The following ZNF148 variants were observed in gnomAD, a reference collection of about 807,000 sequenced individuals.
ZNF148 encodes zinc finger protein 148, also known as Beta-Enolase Repressor Factor-1.
In ZNF148, 7 loss-of-function variants were observed where a neutral mutation model predicts 67.7. That is an observed-to-expected ratio of 0.10 (90% CI 0.06 to 0.19). ZNF148 has a LOEUF of 0.19. Ranked by LOEUF, ZNF148 falls within the 10% of genes least tolerant of loss-of-function variation. The probability of loss-of-function intolerance (pLI) is 1.00; values close to 1 mark genes in which losing one functional copy is unlikely to be tolerated. For missense variants in ZNF148, 583 were observed against 947.1 expected (o/e 0.62, Z 5.05); for synonymous variants, 333 against 330.7 (o/e 1.01, Z -0.08).
chr3:125,237,418 T>C (rs1936142146), intron 7 of ZNF148, among the ~76,000 whole-genome samples: 1 of 151,998 alleles, frequency 6.6e-6, no homozygotes, highest in Non-Finnish European at 1.5e-5. Context: ...CTGTTTCTAC[T>C]AAAAATACAA....
chr3:125,268,799 G>A lies in ZNF148; in HGVS notation c.667+8927C>T, dbSNP rs373818009. ...GTTCAAGACCAGCCTAGGCAACATG[G>A]CAAGACCTGATCTCTACAAAAAAAA... On this transcript the variant is annotated intron_variant, in intron 7 of 8. Transcript: ENST00000360647. Among the ~76,000 whole-genome samples the A allele has an allele frequency of 5.3e-4, 81 of 152,104 alleles. 1 individual carries two copies. In the East Asian group the frequency reaches 0.01, roughly 19 times the overall value.
At chr3:125,334,273 CAT>C (rs1456250867) in intron 1 of ZNF148, among the ~76,000 whole-genome samples, 16 of 152,252 alleles carry the variant, frequency 1.1e-4, no homozygotes, top group Admixed American at 6.5e-4. Flanking sequence ...TTTTTTATCA[CAT>C]GATATATTTT....
chr3:125,341,315 T>TA (rs752776608), intron 1 of ZNF148, among the ~76,000 whole-genome samples: 2 of 140,612 alleles, frequency 1.4e-5, no homozygotes, highest in Non-Finnish European at 3.1e-5. Context: ...ACAGAAAAAT[T>TA]TAAAAAAAAA....
At chr3:125,302,687 C>T (rs1436911793) in intron 4 of ZNF148, among the ~76,000 whole-genome samples, 35 of 152,126 alleles carry the variant, frequency 2.3e-4, no homozygotes, top group Admixed American at 2.3e-3. Context: ...CAAGCAGACA[C>T]TGAAGTTGTT....
At chr3:125,242,572 A>C (rs1413497880) in intron 7 of ZNF148, among the ~76,000 whole-genome samples, 2 of 152,212 alleles carry the variant, frequency 1.3e-5, no homozygotes, top group Admixed American at 6.5e-5. Context: ...CAGAGGTTAC[A>C]GTGAGCCGAG....
rs182713196 is a variant in ZNF148 at position 125,290,606 on chromosome 3, C to G, written c.334-2378G>C. ...TGTCATTCATTTTCTCATTCAACAG[C>G]TATTAAGTGCCTGCTCTGTCAGGCT... On this transcript the variant is annotated intron_variant, in intron 4 of 8. Transcript: ENST00000360647. Among the ~76,000 whole-genome samples the G allele has an allele frequency of 9.9e-5, 15 of 152,226 alleles. No homozygotes were observed. The East Asian group carries it at 2.5e-3, about 25-fold the overall frequency.
At chr3:125,294,681 T>C (rs1274493529) in intron 4 of ZNF148, among the ~76,000 whole-genome samples, 1 of 152,192 alleles carries the variant, frequency 6.6e-6, no homozygotes. Context: ...ACATGGTCTC[T>C]AGCCTGTATA....
In ZNF148 at chr3:125,322,860, T is replaced by C. The variant is rs368693380; in HGVS notation, c.-17+449A>G. On this transcript the variant is annotated intron_variant, in intron 3 of 8. Coordinates refer to ENST00000360647, the MANE Select transcript of ZNF148 (RefSeq NM_021964.3). ...AGTGCAGGCATACATACAACATGTA[T>C]AGATGTATAAAAACTGATATGTTTT... is the stretch of plus-strand genomic sequence containing the variant. Among the ~76,000 whole-genome samples, 6 of 152,322 alleles carry C rather than the reference T, an allele frequency of 3.9e-5. No individual in the cohort carries two copies. The East Asian group carries it at 7.7e-4, about 20-fold the overall frequency.
chr3:125,345,176 T>G (rs1281292131), intron 1 of ZNF148, among the ~76,000 whole-genome samples: 4 of 152,058 alleles, frequency 2.6e-5, no homozygotes. Context: ...TCAAAAAACT[T>G]AAAAGAACTG....
At chr3:125,314,173 TA>T (rs1170523087) in intron 3 of ZNF148, among the ~76,000 whole-genome samples, 2 of 152,024 alleles carry the variant, frequency 1.3e-5, no homozygotes, top group Non-Finnish European at 2.9e-5. Flanking sequence ...TCTTAAAAAA[TA>T]CATCCAATGT....
At chr3:125,250,062 A>T (rs889055336) in intron 7 of ZNF148, among the ~76,000 whole-genome samples, 1 of 152,220 alleles carries the variant, frequency 6.6e-6, no homozygotes, top group African/African-American at 2.4e-5. Context: ...ACAAACTTTC[A>T]GTTGTAAGAT....
chr3:125,239,251 G>A (rs922498555), intron 7 of ZNF148, among the ~76,000 whole-genome samples: 5 of 152,048 alleles, frequency 3.3e-5, no homozygotes, highest in Non-Finnish European at 7.4e-5. Context: ...ACTCCAGAAT[G>A]GAATAAAAAA....
intron 1 of ZNF148, among the ~76,000 whole-genome samples, chr3:125,356,284 C>T (rs1942339591): frequency 6.6e-6 from 1 of 152,166 alleles, no homozygotes; most frequent in Non-Finnish European, 1.5e-5. Context: ...ACCCAGTTTC[C>T]TTAGTCTATT....
Position 125,307,054 on chromosome 3 carries a change from C to CAA in ZNF148, c.333+6252_333+6253dup, listed in dbSNP as rs55863917. Among the ~76,000 whole-genome samples the CAA allele has an allele frequency of 2.6e-3, 369 of 144,352 alleles. 1 individual carries two copies. Among genetic ancestry groups the CAA allele is most frequent in the East Asian group, 4.9e-3 (24 of 4,900 alleles). The allele number at this position is 144,352 out of a possible 152,430, so 94.7% of individuals were successfully genotyped here. On this transcript the variant is annotated intron_variant, in intron 4 of 8. Coordinates refer to ENST00000360647, the MANE Select transcript of ZNF148 (RefSeq NM_021964.3). ...ATACCTAAAAACGACATAGCTATTC[C>CAA]AAAAAAAAAAAAAGAAAACCATGGA...
intron 7 of ZNF148, among the ~76,000 whole-genome samples, chr3:125,267,791 T>A (rs896788826): frequency 6.6e-6 from 1 of 151,916 alleles, no homozygotes; most frequent in African/African-American, 2.4e-5. Flanking sequence ...TCAAATTATC[T>A]CTCTTTGCTG....
At chr3:125,340,275 CAGG>C (rs1196176255) in intron 1 of ZNF148, among the ~76,000 whole-genome samples, 1 of 152,194 alleles carries the variant, frequency 6.6e-6, no homozygotes, top group Non-Finnish European at 1.5e-5. Context: ...CTGAAAACAT[CAGG>C]AGAAGGAGAT....
chr3:125,342,171 A>G (rs1941754354), intron 1 of ZNF148, among the ~76,000 whole-genome samples: 1 of 152,120 alleles, frequency 6.6e-6, no homozygotes, highest in South Asian at 2.1e-4. Flanking sequence ...AAAGTTTCAT[A>G]AAGAAGGAAG....
chr3:125,338,656 T>C (rs1240754918), intron 1 of ZNF148, among the ~76,000 whole-genome samples: 2 of 21,154 alleles, frequency 9.5e-5, no homozygotes, highest in East Asian at 1.1e-3. Flanking sequence ...TGAGACCCTG[T>C]CTCAAAAAAA....
chr3:125,367,300 A>G (rs771577799), intron 1 of ZNF148, among the ~76,000 whole-genome samples: 2 of 152,176 alleles, frequency 1.3e-5, no homozygotes, highest in African/African-American at 2.4e-5. Flanking sequence ...GCTTTCCTCC[A>G]AAGATAGCCT....
Sources: allele counts gnomAD v4.1 joint callset (sites outside exome capture counted in the v4.1 genomes callset), GRCh38; gene constraint gnomAD v4.1.1; transcripts MANE v1.5; gene names NCBI Gene and HGNC (gene_info 2026-07-23, HGNC 2026-07-21).